Variants in FRYL observed in about 807,000 individuals in gnomAD.
FRYL encodes the protein protein furry homolog-like.
Under a neutral mutation model 351.2 loss-of-function variants are expected in FRYL, and 150 were observed. The observed-to-expected ratio is 0.43, with a 90% CI of 0.37 to 0.49. FRYL has a LOEUF of 0.49. Among genes scored for constraint, FRYL ranks in the 20% least tolerant of loss-of-function variants. FRYL has a pLI of 0.00. For synonymous variants in FRYL, 1,153 were observed against 1,257.1 expected (o/e 0.92, Z 1.75); for missense variants, 3,036 against 3,619.3 (o/e 0.84, Z 4.13).
intron 13 of FRYL, among the ~76,000 whole-genome samples, chr4:48,600,075 C>A (rs1359836478): frequency 3.3e-5 from 5 of 151,868 alleles, no homozygotes; most frequent in Non-Finnish European, 5.9e-5. Context: ...CCACTGCACT[C>A]CAGCCTGGGT....
At position 48,632,091 on chromosome 4, in the gene FRYL, AATATATATATATATATAT is replaced by A. The variant is rs1560753223; in HGVS notation, c.120+2182_120+2199del. ...AAAAAAAAAAAAAAAAAAAAAAAAA[AATATATATATATATATAT>A]ATATATATATATATATATATGCGCA... On this transcript the variant is annotated intron_variant, in intron 4 of 63. Coordinates refer to ENST00000358350, the MANE Select transcript of FRYL (RefSeq NM_015030.2). 3.4e-3 allele frequency among the ~76,000 whole-genome samples: 79 copies of A among 23,390 alleles called. 1 individual carries two copies. Among genetic ancestry groups the A allele is most frequent in the East Asian group, 1.0e-2 (5 of 502 alleles). The allele number at this position is 23,390 out of a possible 152,430, so 15.3% of individuals were successfully genotyped here. A position where few individuals can be genotyped will look rare whatever the true frequency, so the allele number is the denominator to read the frequency against.
At chr4:48,597,102 A>G (rs1744747834) in intron 13 of FRYL, among the ~76,000 whole-genome samples, 1 of 152,220 alleles carries the variant, frequency 6.6e-6, no homozygotes, top group Non-Finnish European at 1.5e-5. Context: ...TATGTTTGTT[A>G]GTAATGTAAC....
intron 2 of FRYL, among the ~76,000 whole-genome samples, chr4:48,696,496 G>A (rs947025737): frequency 6.6e-6 from 1 of 152,114 alleles, no homozygotes; most frequent in African/African-American, 2.4e-5. Flanking sequence ...GTGGACACTG[G>A]AAGGGGAACA....
intron 1 of FRYL, among the ~76,000 whole-genome samples, chr4:48,761,345 A>G (rs1774403167): frequency 1.3e-5 from 2 of 152,208 alleles, no homozygotes; most frequent in Non-Finnish European, 2.9e-5. Context: ...ACGACTGATT[A>G]TAATTGGTCC....
rs750420065 is a variant in FRYL, at chr4:48,521,092, T to C, written c.7645A>G (p.Thr2549Ala). 5 of 1,613,346 alleles carry C rather than the reference T, an allele frequency of 3.1e-6. No homozygotes were observed. The highest frequency in any genetic ancestry group is 2.2e-5 in the East Asian group (1 of 44,886). Residue 2549 changes from threonine (T) to alanine (A), a missense_variant, in exon 55 of 64, where the codon ACT becomes GCT. By Grantham distance (58) the Thr-to-Ala change is moderately conservative (BLOSUM62 0). Transcript: ENST00000358350. ...EVLQIRDETPTLEASLDNANS... is the reference protein window; with the variant it reads ...EVLQIRDETPALEASLDNANS... ...GCATTATCTAGAGAAGCCTCCAAAGTTGGGGTCTCATCCCTGATTTGAAGC... is the reference window on the plus strand; with the variant it reads ...GCATTATCTAGAGAAGCCTCCAAAGCTGGGGTCTCATCCCTGATTTGAAGC...
intron 2 of FRYL, among the ~76,000 whole-genome samples, chr4:48,700,280 G>A (rs532846594): frequency 1.3e-5 from 2 of 152,158 alleles, no homozygotes; most frequent in Non-Finnish European, 1.5e-5. Context: ...TAATACTCAC[G>A]TAGAACTTAA....
chr4:48,713,487 C>T (rs1331220599), intron 1 of FRYL, among the ~76,000 whole-genome samples: 2 of 152,132 alleles, frequency 1.3e-5, no homozygotes. Flanking sequence ...TCTGATAATA[C>T]AGACTTTAAA....
In FRYL at chr4:48,512,481, C is replaced by G; in HGVS notation, c.8145G>C (p.Gln2715His). The G allele has an allele frequency of 6.2e-7, 1 of 1,609,800 alleles. No individual in the cohort carries two copies. Among genetic ancestry groups the G allele is most frequent in the Non-Finnish European group, 8.5e-7 (1 of 1,176,430 alleles). ...TTCAGAAACCCTGAACCTCACTGAC[C>G]TGAAACAGCCTAGAAAACACATGAA... ...FTFHVFSRLF[Q>H]TIQRKFGEIT... is the part of the protein sequence containing the mutation. The change falls in exon 57 of 64, where the codon CAG (glutamine) becomes CAC (histidine). Residue 2715 changes from glutamine to histidine, a missense_variant and splice_region_variant. Gln to His is a conservative substitution (Grantham distance 24). Coordinates refer to ENST00000358350, the MANE Select transcript of FRYL (RefSeq NM_015030.2).
At position 48,762,137 on chromosome 4, in the gene FRYL, T is replaced by A. The variant is rs556072753; in HGVS notation, c.-384+17941A>T. Among the ~76,000 whole-genome samples the A allele has an allele frequency of 4.8e-3, 724 of 152,322 alleles. 3 individuals are homozygous for A. Among genetic ancestry groups the A allele is most frequent in the African/African-American group, 0.017 (695 of 41,568 alleles). ...ATCCAACCATGCTGGCATGCAGATC[T>A]CAGAATTCCAGCTGCCAGAACTATG... On this transcript the variant is annotated intron_variant, in intron 1 of 63. Coordinates refer to ENST00000358350, the MANE Select transcript of FRYL (RefSeq NM_015030.2).
chr4:48,515,623 T>C (rs1429065127), intron 55 of FRYL, among the ~76,000 whole-genome samples: 2 of 152,092 alleles, frequency 1.3e-5, no homozygotes, highest in Non-Finnish European at 2.9e-5. Flanking sequence ...CTGCCCGCCT[T>C]GGCCTCCCAA....
chr4:48,667,397 A>G (rs1761909663), intron 3 of FRYL, among the ~76,000 whole-genome samples: 1 of 152,042 alleles, frequency 6.6e-6, no homozygotes, highest in Admixed American at 6.6e-5. Flanking sequence ...CGGCCTTCCA[A>G]AAACAGTCAC....
chr4:48,657,272 G>C (rs1230875843), intron 3 of FRYL, among the ~76,000 whole-genome samples: 1 of 151,664 alleles, frequency 6.6e-6, no homozygotes, highest in Non-Finnish European at 1.5e-5. Context: ...CTGGGATCAA[G>C]CCATCCTCCC....
intron 1 of FRYL, among the ~76,000 whole-genome samples, chr4:48,766,942 A>C (rs1775009089): frequency 6.7e-6 from 1 of 149,386 alleles, no homozygotes; most frequent in African/African-American, 2.4e-5. Context: ...ATGAATTTTG[A>C]TGTTAAAAAA....
At chr4:48,700,956 C>G (rs1403634145) in intron 2 of FRYL, among the ~76,000 whole-genome samples, 3 of 151,940 alleles carry the variant, frequency 2.0e-5, no homozygotes, top group East Asian at 3.9e-4. Flanking sequence ...CTTAAAATCA[C>G]ATTGCAGAAA....
In FRYL at chr4:48,676,471, C is replaced by T. The variant is rs1763699135; in HGVS notation, c.-81+8202G>A. Reference sequence around the variant, plus strand: ...TCTTGAAGTCAGTGAGACCAAGAAACCACCAATTCCGGGGACACTCCTGCC... The same window carrying T: ...TCTTGAAGTCAGTGAGACCAAGAAATCACCAATTCCGGGGACACTCCTGCC... On this transcript the variant is annotated intron_variant, in intron 3 of 63. Transcript: ENST00000358350. 2.0e-5 allele frequency among the ~76,000 whole-genome samples: 3 copies of T among 152,182 alleles called. 1 individual carries two copies. The highest frequency in any genetic ancestry group is 4.4e-5 in the Non-Finnish European group (3 of 68,022).
chr4:48,670,345 A>C (rs1428811587), intron 3 of FRYL, among the ~76,000 whole-genome samples: 2 of 151,900 alleles, frequency 1.3e-5, no homozygotes, highest in African/African-American at 4.8e-5. Context: ...AGGCAGGAAG[A>C]CTGCTTGAAC....
At chr4:48,529,479 G>GC (rs1727049042) in intron 50 of FRYL, among the ~76,000 whole-genome samples, 1 of 152,174 alleles carries the variant, frequency 6.6e-6, no homozygotes. Context: ...GAAAAGGAAA[G>GC]CCAAGCTTCT....
intron 6 of FRYL, among the ~76,000 whole-genome samples, chr4:48,620,049 CA>C (rs1750333561): frequency 6.6e-6 from 1 of 152,112 alleles, no homozygotes; most frequent in Non-Finnish European, 1.5e-5. Context: ...AAATACAGTA[CA>C]AGGTATCCTT....
At chr4:48,528,629 CCAT>C (rs1726816734) in intron 50 of FRYL, among the ~76,000 whole-genome samples, 1 of 152,082 alleles carries the variant, frequency 6.6e-6, no homozygotes, top group Non-Finnish European at 1.5e-5. Flanking sequence ...CCTTTCCCCA[CCAT>C]GATTATAAAA....
Sources: allele counts gnomAD v4.1 joint callset (sites outside exome capture counted in the v4.1 genomes callset), GRCh38; gene constraint gnomAD v4.1.1; transcripts MANE v1.5; gene names NCBI Gene and HGNC (gene_info 2026-07-23, HGNC 2026-07-21).